KY: variants seen among roughly 807,000 people sequenced by gnomAD.
KY encodes the protein kyphoscoliosis peptidase.
In KY, 43 loss-of-function variants were observed where a neutral mutation model predicts 76.1. The observed-to-expected ratio is 0.57, with a 90% CI of 0.44 to 0.73. The LOEUF is 0.73. Among genes scored for constraint, KY ranks in the 30% least tolerant of loss-of-function variants. The pLI, the probability that KY is intolerant of heterozygous loss-of-function variation, is 0.00. For synonymous variants in KY, 277 were observed against 326.2 expected (o/e 0.85, Z 1.63); for missense variants, 722 against 828.9 (o/e 0.87, Z 1.58).
At position 134,604,267 on chromosome 3, in the gene KY, A is replaced by G. The variant is rs1210802785; in HGVS notation, c.1298T>C (p.Leu433Pro). The G allele has an allele frequency of 6.2e-7, 1 of 1,613,790 alleles. No homozygotes were observed. Among genetic ancestry groups the G allele is most frequent in the Non-Finnish European group, 8.5e-7 (1 of 1,179,894 alleles). Residue 433 changes from leucine to proline, a missense_variant, in exon 11 of 11, where the codon CTC becomes CCC. Leu to Pro is a moderately conservative substitution (Grantham distance 98). Coordinates refer to ENST00000423778, the MANE Select transcript of KY (RefSeq NM_178554.6). ...DIYSSVLEYT[L>P]KCNYVDMGVQ... is the part of the protein sequence containing the mutation. ...ACCCATGTCCACATAATTGCACTTGAGCGTGTACTCCAGCACTGAGCTGTA... is the reference window on the plus strand; with the variant it reads ...ACCCATGTCCACATAATTGCACTTGGGCGTGTACTCCAGCACTGAGCTGTA...
intron 9 of KY, among the ~76,000 whole-genome samples, chr3:134,609,740 C>T (rs1960010185): frequency 6.6e-6 from 1 of 152,164 alleles, no homozygotes; most frequent in Admixed American, 6.5e-5. Flanking sequence ...GCCCTTTCCT[C>T]AGAAATGTGA....
chr3:134,613,249 G>A (rs370347339), intron 8 of KY: 12 of 154,308 alleles, frequency 7.8e-5, no homozygotes, highest in South Asian at 4.1e-4. Flanking sequence ...GCCTCCAGGC[G>A]GTGGGGTAAA....
At chr3:134,604,876 G>A (rs947594750) in intron 10 of KY, among the ~76,000 whole-genome samples, 3 of 152,196 alleles carry the variant, frequency 2.0e-5, no homozygotes, top group Non-Finnish European at 2.9e-5. Flanking sequence ...GGTCTAGCTT[G>A]CACCTTGCTC....
chr3:134,612,069 C>G (rs1960567499), intron 8 of KY, among the ~76,000 whole-genome samples: 1 of 152,178 alleles, frequency 6.6e-6, no homozygotes, highest in Non-Finnish European at 1.5e-5. Flanking sequence ...CTGCCTTAAC[C>G]TCTGCTCACC....
chr3:134,611,843 T>A (rs1333604983), intron 8 of KY, among the ~76,000 whole-genome samples: 2 of 152,240 alleles, frequency 1.3e-5, no homozygotes, highest in Non-Finnish European at 2.9e-5. Context: ...TGGGGTGAAA[T>A]GGCCATGCAT....
chr3:134,639,054 T>TC (rs1184037727), intron 3 of KY, among the ~76,000 whole-genome samples: 1 of 149,604 alleles, frequency 6.7e-6, no homozygotes, highest in Admixed American at 6.7e-5. Flanking sequence ...AGCCTTTTTT[T>TC]TTTTTCTACT....
chr3:134,615,943 T>C (rs1298941931), intron 8 of KY, among the ~76,000 whole-genome samples: 2 of 152,196 alleles, frequency 1.3e-5, no homozygotes, highest in African/African-American at 4.8e-5. Flanking sequence ...GACAACCAAC[T>C]CCCTCAGTGT....
At chr3:134,641,512 G>A (rs1173871729) in intron 3 of KY, among the ~76,000 whole-genome samples, 1 of 152,148 alleles carries the variant, frequency 6.6e-6, no homozygotes, top group Non-Finnish European at 1.5e-5. Context: ...GCAGCCTCTA[G>A]CAGCAGGAAG....
In KY at chr3:134,650,852, G is replaced by C; in HGVS notation, c.109C>G (p.Pro37Ala). The C allele has an allele frequency of 6.2e-7, 1 of 1,607,902 alleles. No homozygotes were observed. Among genetic ancestry groups the C allele is most frequent in the Non-Finnish European group, 8.5e-7 (1 of 1,176,744 alleles). ...QGTLSDQQANPSSLLQRGGGF... is the reference protein window; with the variant it reads ...QGTLSDQQANASSLLQRGGGF... ...CCTCCGCGCTGCAGCAGCGAGCTCG[G>C]GTTCGCCTGCTGGTCTGAGAGCGTA... The change falls in exon 1 of 11, where the codon CCG becomes GCG. Residue 37 changes from proline to alanine, a missense_variant. Transcript: ENST00000423778.
At chr3:134,646,581 A>C (rs546992754) in intron 2 of KY, among the ~76,000 whole-genome samples, 2 of 152,092 alleles carry the variant, frequency 1.3e-5, no homozygotes, top group Non-Finnish European at 2.9e-5. Flanking sequence ...CACTTTTAGA[A>C]CTTCATCTTT....
intron 1 of KY, among the ~76,000 whole-genome samples, chr3:134,648,146 G>C (rs191710790): frequency 5.9e-5 from 9 of 152,326 alleles, no homozygotes; most frequent in African/African-American, 1.2e-4. Context: ...TTCTGGCAGC[G>C]GGAGCTGCTG....
chr3:134,616,663 A>T (rs1961617972), intron 8 of KY, among the ~76,000 whole-genome samples: 1 of 152,234 alleles, frequency 6.6e-6, no homozygotes, highest in African/African-American at 2.4e-5. Context: ...GAGAGTTTTA[A>T]TGATAAGCTG....
chr3:134,622,644 G>C (rs1962833107), intron 6 of KY, among the ~76,000 whole-genome samples: 1 of 152,144 alleles, frequency 6.6e-6, no homozygotes, highest in African/African-American at 2.4e-5. Flanking sequence ...TAATGCTAGT[G>C]AATTGTACAC....
chr3:134,621,721 T>C (rs1962647758), intron 6 of KY, among the ~76,000 whole-genome samples: 1 of 152,152 alleles, frequency 6.6e-6, no homozygotes, highest in Non-Finnish European at 1.5e-5. Flanking sequence ...TAAAAGGGCA[T>C]TCGTGAAAAT....
Position 134,651,015 on chromosome 3 carries a change from C to T in KY, c.-55G>A. 6.2e-7 allele frequency: 1 copy of T among 1,609,598 alleles called. No homozygotes were observed. The highest frequency in any genetic ancestry group is 8.5e-7 in the Non-Finnish European group (1 of 1,178,066). ...GCGGCCGCACGCTAGGCTGCTTGCG[C>T]TGCAAATGGCCCCGTGCGCGCAGCT... On this transcript the variant is annotated 5_prime_UTR_variant, in exon 1 of 11. Coordinates refer to ENST00000423778, the MANE Select transcript of KY (RefSeq NM_178554.6).
At chr3:134,645,328 G>A (rs1966310705) in intron 2 of KY, among the ~76,000 whole-genome samples, 2 of 152,284 alleles carry the variant, frequency 1.3e-5, no homozygotes, top group Admixed American at 6.5e-5. Context: ...AGCAGTGCAC[G>A]GGGTAGCAAG....
Position 134,614,536 on chromosome 3 carries a change from A to G in KY, c.711-4153T>C, listed in dbSNP as rs1961152527. Reference sequence around the variant, plus strand: ...AGCCCCAAGGGCTGCAAAGGACCACATGGCCACCAAATGTGGCCTGATGGG... The same window carrying G: ...AGCCCCAAGGGCTGCAAAGGACCACGTGGCCACCAAATGTGGCCTGATGGG... On this transcript the variant is annotated intron_variant, in intron 8 of 10. Transcript: ENST00000423778. Among the ~76,000 whole-genome samples the G allele has an allele frequency of 2.0e-5, 3 of 152,032 alleles. No individual in the cohort carries two copies. In the South Asian group the frequency reaches 6.2e-4, roughly 32 times the overall value.
intron 2 of KY, among the ~76,000 whole-genome samples, chr3:134,644,301 C>T (rs1966166587): frequency 6.6e-6 from 1 of 152,228 alleles, no homozygotes; most frequent in Admixed American, 6.5e-5. Context: ...GAGTTGTCCT[C>T]AGAGCCTAGT....
rs1402932196 is a variant in KY at position 134,600,570 on chromosome 3, T to C, written c.*3009A>G. On this transcript the variant is annotated 3_prime_UTR_variant, in exon 11 of 11. Coordinates refer to ENST00000423778, the MANE Select transcript of KY (RefSeq NM_178554.6). ...GCTGGAAAGAAGTGTACTGAAGTTGTGGTTGTAGTGCCTCTGCCCACCACT... is the reference window on the plus strand; with the variant it reads ...GCTGGAAAGAAGTGTACTGAAGTTGCGGTTGTAGTGCCTCTGCCCACCACT... Among the ~76,000 whole-genome samples the C allele has an allele frequency of 2.6e-5, 4 of 152,162 alleles. No homozygotes were observed. Among genetic ancestry groups the C allele is most frequent in the African/African-American group, 9.7e-5 (4 of 41,436 alleles).
Sources: allele counts gnomAD v4.1 joint callset (sites outside exome capture counted in the v4.1 genomes callset), GRCh38; gene constraint gnomAD v4.1.1; transcripts MANE v1.5; gene names NCBI Gene and HGNC (gene_info 2026-07-23, HGNC 2026-07-21).